The following EXOC6B variants were observed in gnomAD, a reference collection of about 807,000 sequenced individuals.
EXOC6B encodes the protein SEC15 homolog B.
A neutral mutation model predicts 113.5 loss-of-function variants in EXOC6B; 54 were observed. The ratio of observed to expected loss-of-function variants is 0.48; its 90% confidence interval spans 0.38 to 0.60. The LOEUF is 0.60. Among genes scored for constraint, EXOC6B ranks in the 20% least tolerant of loss-of-function variants. The pLI, the probability that EXOC6B is intolerant of heterozygous loss-of-function variation, is 0.00. For synonymous variants in EXOC6B, 357 were observed against 339.0 expected, an observed-to-expected ratio of 1.05 and a Z score of -0.58; for missense variants, 797 against 977.5, an observed-to-expected ratio of 0.82 and a Z score of 2.46.
intron 1 of EXOC6B, among the ~76,000 whole-genome samples, chr2:72,799,231 C>A (rs575570337): frequency 4.5e-5 from 6 of 133,202 alleles, no homozygotes; most frequent in East Asian, 4.0e-4. Flanking sequence ...CAGAGTGAGA[C>A]CCTGTCTCAA....
chr2:72,643,934 G>A (rs535623271), intron 6 of EXOC6B, among the ~76,000 whole-genome samples: 1 of 152,082 alleles, frequency 6.6e-6, no homozygotes, highest in East Asian at 1.9e-4. Context: ...GAACAAAGCT[G>A]GATGGAGAAT....
chr2:72,299,995 G>A (rs1278249663), intron 20 of EXOC6B, among the ~76,000 whole-genome samples: 3 of 152,200 alleles, frequency 2.0e-5, no homozygotes, highest in African/African-American at 7.2e-5. Flanking sequence ...AGGATACATG[G>A]GGGTCAGGGA....
chr2:72,712,167 G>GACTAT (rs1230219863), intron 6 of EXOC6B, among the ~76,000 whole-genome samples: 1 of 152,012 alleles, frequency 6.6e-6, no homozygotes, highest in Non-Finnish European at 1.5e-5. Context: ...TTTTAAACAA[G>GACTAT]ACTATACAAT....
chr2:72,243,703 T>C (rs1682472848), intron 20 of EXOC6B, among the ~76,000 whole-genome samples: 1 of 152,082 alleles, frequency 6.6e-6, no homozygotes, highest in Admixed American at 6.6e-5. Context: ...GTAACAAACC[T>C]GCACATTGTG....
intron 18 of EXOC6B, chr2:72,464,509 T>C (rs1697913677): frequency 1.3e-5 from 2 of 152,356 alleles, no homozygotes; most frequent in Non-Finnish European, 2.9e-5. Context: ...GCCCATTCTA[T>C]TTACTAAGTA....
At chr2:72,369,399 G>T (rs1051289655) in intron 19 of EXOC6B, among the ~76,000 whole-genome samples, 1 of 152,176 alleles carries the variant, frequency 6.6e-6, no homozygotes, top group African/African-American at 2.4e-5. Context: ...GTGCTCATGG[G>T]TAGGAAGAAT....
chr2:72,480,486 A>G, intron 17 of EXOC6B, 130 bp downstream of exon 17: 1 of 871,344 alleles, frequency 1.1e-6, no homozygotes, highest in Non-Finnish European at 1.6e-6. Flanking sequence ...AAGGGAAACC[A>G]AACATATCAT....
intron 20 of EXOC6B, among the ~76,000 whole-genome samples, chr2:72,240,667 A>G (rs1439644777): frequency 6.6e-6 from 1 of 152,222 alleles, no homozygotes; most frequent in African/African-American, 2.4e-5. Context: ...GCTGGATAAG[A>G]TAAGGCACTT....
chr2:72,292,209 GTGTA>G (rs1304278158), intron 20 of EXOC6B, among the ~76,000 whole-genome samples: 61 of 139,326 alleles, frequency 4.4e-4, no homozygotes, highest in African/African-American at 1.6e-3. Flanking sequence ...GTGTGTGTGT[GTGTA>G]CCTTATAAAT....
Position 72,718,153 on chromosome 2 carries a change from C to T in EXOC6B, c.619G>A (p.Glu207Lys). 1 of 1,613,658 alleles carries T rather than the reference C, an allele frequency of 6.2e-7. No individual in the cohort carries two copies. Among genetic ancestry groups the T allele is most frequent in the Non-Finnish European group, 8.5e-7 (1 of 1,179,710 alleles). ...TTGTCTGAATGTTTGCGGATGCTCT[C>T]CAGAAAGTCTTTGAGATCGGACATA... ...VSMSDLKDFL[E>K]SIRKHSDKIG... is the part of the protein sequence containing the mutation. Residue 207 changes from glutamate to lysine, a missense_variant, in exon 6 of 22, where the codon GAG (glutamate) becomes AAG (lysine). Coordinates refer to ENST00000272427, the MANE Select transcript of EXOC6B (RefSeq NM_015189.3).
At chr2:72,385,729 C>T (rs777971112) in intron 18 of EXOC6B, among the ~76,000 whole-genome samples, 4 of 152,130 alleles carry the variant, frequency 2.6e-5, no homozygotes, top group African/African-American at 4.8e-5. Context: ...CAAGAGAAGA[C>T]ACATGAATAG....
chr2:72,533,982 A>T (rs563326748), intron 8 of EXOC6B, among the ~76,000 whole-genome samples: 1 of 152,292 alleles, frequency 6.6e-6, no homozygotes, highest in East Asian at 1.9e-4. Flanking sequence ...GAGCAGATAA[A>T]TTAATCTCAC....
chr2:72,492,224 T>C (rs534601882), intron 16 of EXOC6B, 94 bp downstream of exon 16: 7 of 565,212 alleles, frequency 1.2e-5, no homozygotes, highest in Admixed American at 2.7e-5. Flanking sequence ...AGGAAGAGCA[T>C]GTAGAAAGTT....
At chr2:72,741,504 G>A (rs1406618766) in intron 1 of EXOC6B, 35 bp from the exon 2 acceptor site, 5 of 1,567,778 alleles carry the variant, frequency 3.2e-6, no homozygotes, top group East Asian at 2.3e-5. Flanking sequence ...TTATACCATG[G>A]TTACTTCTAA....
chr2:72,815,203 A>T (rs1380934458), intron 1 of EXOC6B, among the ~76,000 whole-genome samples: 1 of 151,294 alleles, frequency 6.6e-6, no homozygotes, highest in Admixed American at 6.6e-5. Flanking sequence ...AAAAGAAAAA[A>T]ATCCGGGCCG....
intron 19 of EXOC6B, among the ~76,000 whole-genome samples, chr2:72,346,109 T>C (rs1689318310): frequency 6.6e-6 from 1 of 152,132 alleles, no homozygotes; most frequent in Admixed American, 6.6e-5. Context: ...AAATTGATAA[T>C]AATGAAGTCT....
intron 1 of EXOC6B, among the ~76,000 whole-genome samples, chr2:72,821,176 T>C (rs1686560237): frequency 6.6e-6 from 1 of 151,850 alleles, no homozygotes; most frequent in Non-Finnish European, 1.5e-5. Flanking sequence ...AATAACCCAA[T>C]TTAAAAACGG....
intron 20 of EXOC6B, among the ~76,000 whole-genome samples, chr2:72,208,881 A>G (rs1679992624): frequency 6.6e-6 from 1 of 152,228 alleles, no homozygotes; most frequent in African/African-American, 2.4e-5. Flanking sequence ...TCAAATGAAT[A>G]CATAGGCAAG....
intron 6 of EXOC6B, among the ~76,000 whole-genome samples, chr2:72,615,316 C>T (rs1310076720): frequency 1.3e-5 from 2 of 152,028 alleles, no homozygotes; most frequent in Non-Finnish European, 2.9e-5. Context: ...ATGAATCTTA[C>T]ATTACTATTT....
Sources: allele counts gnomAD v4.1 joint callset (sites outside exome capture counted in the v4.1 genomes callset), GRCh38; gene constraint gnomAD v4.1.1; transcripts MANE v1.5; gene names NCBI Gene and HGNC (gene_info 2026-07-23, HGNC 2026-07-21).